MYO19: variants seen among roughly 807,000 people sequenced by gnomAD.
The protein encoded by MYO19 is unconventional myosin-XIX.
A neutral mutation model predicts 129.2 loss-of-function variants in MYO19; 132 were observed. That is an observed-to-expected ratio of 1.02 (90% CI 0.89 to 1.18). MYO19 has a LOEUF of 1.18. Ranked by LOEUF, MYO19 falls within the 50% of genes most tolerant of loss-of-function variation. The pLI, the probability that MYO19 is intolerant of heterozygous loss-of-function variation, is 0.00. For synonymous variants in MYO19, 531 were observed against 477.2 expected, an observed-to-expected ratio of 1.11 and a Z score of -1.47; for missense variants, 1,210 against 1,216.7, an observed-to-expected ratio of 0.99 and a Z score of 0.08.
At position 36,495,842 on chromosome 17, in the gene MYO19, G is replaced by GAAAT. The variant is rs1394290229; in HGVS notation, c.*405_*408dup. 1.6e-6 allele frequency: 2 copies of GAAAT among 1,240,614 alleles called. No individual in the cohort carries two copies. The highest frequency in any genetic ancestry group is 3.1e-5 in the African/African-American group (2 of 64,538). 76.9% of individuals were successfully genotyped at this position (1,240,614 alleles called of 1,614,324 possible). A position where few individuals can be genotyped will look rare whatever the true frequency, so the allele number is the denominator to read the frequency against. On this transcript the variant is annotated 3_prime_UTR_variant, in exon 26 of 26. Coordinates refer to ENST00000614623, the MANE Select transcript of MYO19 (RefSeq NM_001163735.2). ...ACTAAAGTTTTGTTCCTTTTTAAAG[G>GAAAT]AAATAACCACAAGATTTTTCCCAGC... is the stretch of plus-strand genomic sequence containing the variant.
chr17:36,505,152 G>A (rs780134221), intron 19 of MYO19, 145 bp downstream of exon 19: 1 of 808,608 alleles, frequency 1.2e-6, no homozygotes, highest in South Asian at 1.3e-5. Flanking sequence ...CACAGCAAGG[G>A]AGATGGGTCC....
chr17:36,512,696 T>A, intron 11 of MYO19: 6 of 1,289,136 alleles, frequency 4.7e-6, no homozygotes, highest in Non-Finnish European at 4.0e-6. Flanking sequence ...GAGGTGAGGG[T>A]CACTTTCCAC....
intron 3 of MYO19, among the ~76,000 whole-genome samples, chr17:36,529,735 C>T (rs1287989279): frequency 1.3e-5 from 2 of 152,108 alleles, no homozygotes; most frequent in Non-Finnish European, 2.9e-5. Context: ...CTACACAAAC[C>T]ATTCACAAAC....
chr17:36,536,713 C>A (rs1030255968), upstream of MYO19, among the ~76,000 whole-genome samples: 4 of 152,086 alleles, frequency 2.6e-5, no homozygotes, highest in African/African-American at 9.7e-5. Context: ...CGGGCTTTCA[C>A]CATGTTGACC....
At chr17:36,526,411 T>C (rs2073466674) in intron 5 of MYO19, among the ~76,000 whole-genome samples, 1 of 152,062 alleles carries the variant, frequency 6.6e-6, no homozygotes, top group South Asian at 2.1e-4. Context: ...CTCTCACCTC[T>C]CCCTGAATGC....
At chr17:36,536,016 T>C (rs1474107783), upstream of MYO19, among the ~76,000 whole-genome samples, 1 of 152,174 alleles carries the variant, frequency 6.6e-6, no homozygotes, top group Non-Finnish European at 1.5e-5. Context: ...ACTTACTTAT[T>C]CAGCTCATGG....
chr17:36,510,615 G>A (rs1026686702), intron 13 of MYO19, 131 bp downstream of exon 13: 2 of 1,002,890 alleles, frequency 2.0e-6, no homozygotes, highest in Non-Finnish European at 2.9e-6. Context: ...TGAGGAGCAG[G>A]GAGAGGAACC....
upstream of MYO19, chr17:36,536,960 A>C (rs1338161540): frequency 1.4e-6 from 1 of 690,648 alleles, no homozygotes; most frequent in Non-Finnish European, 2.4e-6. Flanking sequence ...GGGAATCACA[A>C]ATCCTAGGTG....
chr17:36,515,718 G>A, intron 7 of MYO19, 140 bp downstream of exon 7: 1 of 825,684 alleles, frequency 1.2e-6, no homozygotes, highest in Non-Finnish European at 1.8e-6. Flanking sequence ...GGAGAGGTTG[G>A]GGATCTGAGG....
Position 36,498,348 on chromosome 17 carries a change from A to T in MYO19, c.2675T>A (p.Leu892His). The change falls in exon 25 of 26, where the codon CTC becomes CAC. Residue 892 changes from leucine (L) to histidine (H), a missense_variant. Coordinates refer to ENST00000614623, the MANE Select transcript of MYO19 (RefSeq NM_001163735.2). ...RKLVVWACLQ[L>H]PRGSPSSYTV... ...GTAGCTACTGGGGCTGCCCCTGGGG[A>T]GCTGGAGGCAAGCCCAGACCACTAA... 6.2e-7 allele frequency: 1 copy of T among 1,613,996 alleles called. No homozygotes were observed. The highest frequency in any genetic ancestry group is 8.5e-7 in the Non-Finnish European group (1 of 1,179,892).
intron 6 of MYO19, 40 bp downstream of exon 6, chr17:36,525,188 C>T: frequency 6.8e-7 from 1 of 1,470,432 alleles, no homozygotes; most frequent in Non-Finnish European, 9.5e-7. Flanking sequence ...GTCCACCCAG[C>T]CAGTCGTGAG....
chr17:36,544,570 T>A (rs772961964), upstream of MYO19, among the ~76,000 whole-genome samples: 1 of 152,204 alleles, frequency 6.6e-6, no homozygotes, highest in African/African-American at 2.4e-5. Context: ...GCTGAAAGAA[T>A]TCCCCTTTGA....
intron 6 of MYO19, among the ~76,000 whole-genome samples, chr17:36,517,964 C>A (rs1190970619): frequency 2.0e-5 from 3 of 152,024 alleles, no homozygotes; most frequent in African/African-American, 7.2e-5. Flanking sequence ...ATGGCATCCA[C>A]CTGTAATTCC....
chr17:36,522,596 G>A (rs549496671), intron 6 of MYO19, among the ~76,000 whole-genome samples: 9 of 152,060 alleles, frequency 5.9e-5, no homozygotes, highest in Non-Finnish European at 1.0e-4. Context: ...GAGACTAGGC[G>A]TGGTGGCTCA....
chr17:36,495,994 G>A lies in MYO19; in HGVS notation c.*257C>T, dbSNP rs2142572184. Reference sequence around the variant, plus strand: ...CTGCTGAGTTTGATCTGTGAAGGTAGTGAAATGTGGCCCTGATGTTTCTTA... The same window carrying A: ...CTGCTGAGTTTGATCTGTGAAGGTAATGAAATGTGGCCCTGATGTTTCTTA... On this transcript the variant is annotated 3_prime_UTR_variant, in exon 26 of 26. Coordinates refer to ENST00000614623, the MANE Select transcript of MYO19 (RefSeq NM_001163735.2). 1 of 795,532 alleles carries A rather than the reference G, an allele frequency of 1.3e-6. No homozygotes were observed. The highest frequency in any genetic ancestry group is 1.8e-6 in the Non-Finnish European group (1 of 557,190). The allele number at this position is 795,532 out of a possible 1,614,324, so 49.3% of individuals were successfully genotyped here.
chr17:36,511,160 C>G, intron 12 of MYO19: 1 of 668,550 alleles, frequency 1.5e-6, no homozygotes, highest in East Asian at 2.7e-5. Context: ...ACCTCTGACT[C>G]ATTTTCTCAT....
Position 36,495,826 on chromosome 17 carries a change from T to C in MYO19, c.*425A>G, listed in dbSNP as rs1367708797. 1.0e-5 allele frequency: 13 copies of C among 1,242,060 alleles called. No homozygotes were observed. In the East Asian group the frequency reaches 3.7e-4, roughly 35 times the overall value. The allele number at this position is 1,242,060 out of a possible 1,614,324, so 76.9% of individuals were successfully genotyped here. On this transcript the variant is annotated 3_prime_UTR_variant, in exon 26 of 26. Transcript: ENST00000614623. ...AATCAACTAATTAAATACTAAAGTT[T>C]TGTTCCTTTTTAAAGGAAATAACCA...
At chr17:36,511,252 G>T in intron 12 of MYO19, 113 bp downstream of exon 12, 1 of 1,137,710 alleles carries the variant, frequency 8.8e-7, no homozygotes. Flanking sequence ...ATGGTGGGTG[G>T]CATAAGCAAG....
In MYO19 at chr17:36,496,115, C is replaced by T. The variant is rs893859821; in HGVS notation, c.*136G>A. 92 of 1,240,420 alleles carry T rather than the reference C, an allele frequency of 7.4e-5. No individual in the cohort carries two copies. The African/African-American group carries it at 7.9e-4, about 11-fold the overall frequency. 76.8% of individuals were successfully genotyped at this position (1,240,420 alleles called of 1,614,324 possible). ...ACGCACTGGGCACGGGGCTCTGGGT[C>T]GAAGGCTGGAGCCGTCACTGTTGTT... On this transcript the variant is annotated 3_prime_UTR_variant, in exon 26 of 26. Transcript: ENST00000614623.
Sources: allele counts gnomAD v4.1 joint callset (sites outside exome capture counted in the v4.1 genomes callset), GRCh38; gene constraint gnomAD v4.1.1; transcripts MANE v1.5; gene names NCBI Gene and HGNC (gene_info 2026-07-23, HGNC 2026-07-21).